CNTN1: variants seen among roughly 807,000 people sequenced by gnomAD.
CNTN1 encodes contactin 1, also known as contactin-1.
CNTN1 carries 38 observed loss-of-function variants against 126.4 expected under a neutral mutation model. The observed-to-expected ratio is 0.30, with a 90% confidence interval of 0.23 to 0.39. The LOEUF is 0.39. Ranked by LOEUF, CNTN1 falls within the 10% of genes least tolerant of loss-of-function variation. The pLI is 1.00. For missense variants in CNTN1, 1,009 were observed against 1,248.4 expected (o/e 0.81, Z 2.89); for synonymous variants, 413 against 422.6 (o/e 0.98, Z 0.28).
At position 40,975,174 on chromosome 12, in the gene CNTN1, T is replaced by C. The variant is rs537740911; in HGVS notation, c.1805-5735T>C. 6.5e-3 allele frequency among the ~76,000 whole-genome samples: 762 copies of C among 116,952 alleles called. 7 individuals are homozygous for C. Among genetic ancestry groups the C allele is most frequent in the Non-Finnish European group, 9.6e-3 (545 of 56,702 alleles). 76.7% of individuals were successfully genotyped at this position (116,952 alleles called of 152,430 possible). ...TAGACTTCGGTGTCCTTTTGTAAAA[T>C]GGATTATATATATATATATATATAT... On this transcript the variant is annotated intron_variant, in intron 15 of 23. Transcript: ENST00000551295.
At chr12:40,742,608 T>C (rs1937991827) in intron 1 of CNTN1, 3 of 151,850 alleles carry the variant, frequency 2.0e-5, no homozygotes, top group Admixed American at 1.3e-4. Context: ...GGTGTGATCA[T>C]AGCTCACTGC....
intron 1 of CNTN1, among the ~76,000 whole-genome samples, chr12:40,723,217 A>G (rs1011161075): frequency 2.6e-5 from 4 of 152,178 alleles, no homozygotes. Context: ...TAGACTGTGG[A>G]ATTCCACATA....
intron 17 of CNTN1, among the ~76,000 whole-genome samples, chr12:41,001,551 CT>C (rs1487142617): frequency 5.9e-5 from 9 of 152,118 alleles, no homozygotes; most frequent in Admixed American, 5.9e-4. Context: ...TCTAGGTTGT[CT>C]GTTCACTCTG....
chr12:40,733,776 A>G (rs910657779), intron 1 of CNTN1, among the ~76,000 whole-genome samples: 5 of 152,102 alleles, frequency 3.3e-5, no homozygotes, highest in African/African-American at 1.2e-4. Flanking sequence ...AATGGAATTT[A>G]GAAAGTTTGT....
rs1948415655 is a variant in CNTN1, at chr12:41,003,480, CCCT to C, written c.2113+10219_2113+10221del. 3.9e-5 allele frequency among the ~76,000 whole-genome samples: 6 copies of C among 152,092 alleles called. No individual in the cohort carries two copies. The South Asian group carries it at 1.0e-3, about 26-fold the overall frequency. On this transcript the variant is annotated intron_variant, in intron 17 of 23. Coordinates refer to ENST00000551295, the MANE Select transcript of CNTN1 (RefSeq NM_001843.4). ...CTCATAGAATGAGTTAAGGTGGAGT[CCCT>C]CCTCCTCAATTTTTCGGAATAGTTT...
At chr12:40,913,139 T>C (rs746684571) in intron 3 of CNTN1, among the ~76,000 whole-genome samples, 3 of 152,234 alleles carry the variant, frequency 2.0e-5, no homozygotes, top group Non-Finnish European at 4.4e-5. Flanking sequence ...CTATATTCTT[T>C]ATTCTAATAA....
At chr12:40,962,469 A>C (rs1370200382) in intron 15 of CNTN1, among the ~76,000 whole-genome samples, 1 of 152,132 alleles carries the variant, frequency 6.6e-6, no homozygotes, top group African/African-American at 2.4e-5. Context: ...TGTAGGAAAA[A>C]TATAGTCAAT....
chr12:40,741,965 C>T (rs1377543988), intron 1 of CNTN1, among the ~76,000 whole-genome samples: 1 of 151,808 alleles, frequency 6.6e-6, no homozygotes, highest in East Asian at 1.9e-4. Flanking sequence ...TTCTTTCCCT[C>T]TTTACTGTAG....
At chr12:40,946,936 G>T (rs1011325263) in intron 14 of CNTN1, among the ~76,000 whole-genome samples, 5 of 151,784 alleles carry the variant, frequency 3.3e-5, no homozygotes, top group African/African-American at 1.2e-4. Flanking sequence ...GATTATAGGT[G>T]ATTTTTAAAT....
chr12:41,007,061 T>G (rs1387061717), intron 17 of CNTN1, among the ~76,000 whole-genome samples: 2 of 128,936 alleles, frequency 1.6e-5, no homozygotes, highest in African/African-American at 3.0e-5. Context: ...TTTTTTTTTT[T>G]TTTTTTTTTT....
chr12:40,954,029 G>T (rs554504674), intron 14 of CNTN1, among the ~76,000 whole-genome samples: 166 of 152,154 alleles, frequency 1.1e-3, no homozygotes, highest in Admixed American at 4.5e-3. Flanking sequence ...TTGCTAAGGT[G>T]ATTTTTTTGA....
chr12:40,725,226 A>T (rs1317456961), intron 1 of CNTN1, among the ~76,000 whole-genome samples: 1 of 151,830 alleles, frequency 6.6e-6, no homozygotes, highest in Non-Finnish European at 1.5e-5. Context: ...ACATGGAGAA[A>T]CCCTGTCTCT....
chr12:41,006,045 T>A (rs1592390354), intron 17 of CNTN1, among the ~76,000 whole-genome samples: 1 of 152,352 alleles, frequency 6.6e-6, no homozygotes. Context: ...TTCATCTTTG[T>A]GGGCTTATCT....
chr12:40,959,599 C>T (rs1406261687), intron 15 of CNTN1, among the ~76,000 whole-genome samples: 3 of 151,700 alleles, frequency 2.0e-5, no homozygotes, highest in Non-Finnish European at 2.9e-5. Flanking sequence ...TATACTGATG[C>T]TGTTTACTAT....
chr12:40,734,556 C>G (rs1472969210), intron 1 of CNTN1, among the ~76,000 whole-genome samples: 1 of 152,082 alleles, frequency 6.6e-6, no homozygotes, highest in Non-Finnish European at 1.5e-5. Flanking sequence ...TTGGGACAAA[C>G]TGCTCAGCTT....
At chr12:40,886,048 C>T (rs1944017832) in intron 1 of CNTN1, among the ~76,000 whole-genome samples, 1 of 152,024 alleles carries the variant, frequency 6.6e-6, no homozygotes. Context: ...TTATCTTCTG[C>T]TTAGTCACTT....
chr12:40,767,264 G>C (rs891136851), intron 1 of CNTN1, among the ~76,000 whole-genome samples: 4 of 135,508 alleles, frequency 3.0e-5, no homozygotes, highest in African/African-American at 1.1e-4. Context: ...TTCTTAATTA[G>C]TTCTTAATAA....
At chr12:40,880,017 G>T (rs1291509506) in intron 1 of CNTN1, among the ~76,000 whole-genome samples, 2 of 152,036 alleles carry the variant, frequency 1.3e-5, no homozygotes, top group African/African-American at 4.8e-5. Flanking sequence ...TTTGCTCCAA[G>T]AATTTTAGTG....
At chr12:41,008,482 T>C (rs888250123) in intron 17 of CNTN1, among the ~76,000 whole-genome samples, 1 of 152,210 alleles carries the variant, frequency 6.6e-6, no homozygotes, top group Non-Finnish European at 1.5e-5. Flanking sequence ...CTAGGTCATC[T>C]TTTTTAACTT....
Sources: gnomAD v4.1 joint callset for allele counts (sites outside exome capture counted in the v4.1 genomes callset) on GRCh38, gnomAD v4.1.1 for gene constraint, MANE v1.5 for transcripts, NCBI Gene and HGNC (gene_info 2026-07-23, HGNC 2026-07-21) for gene names.